Variants in C8orf34 observed in about 807,000 individuals in gnomAD.
C8orf34 encodes the protein uncharacterized protein C8orf34.
In C8orf34, 65 loss-of-function variants were observed where a neutral mutation model predicts 68.3. The ratio of observed to expected loss-of-function variants is 0.95; its 90% CI spans 0.78 to 1.17. The LOEUF is 1.17. Ranked by LOEUF, C8orf34 falls within the 50% of genes most tolerant of loss-of-function variation. The pLI is 0.00. For synonymous variants in C8orf34, 244 were observed against 241.2 expected, an observed-to-expected ratio of 1.01 and a Z score of -0.11; for missense variants, 664 against 655.4, an observed-to-expected ratio of 1.01 and a Z score of -0.14.
intron 2 of C8orf34, among the ~76,000 whole-genome samples, chr8:68,443,358 CT>C (rs1480162288): frequency 2.0e-5 from 3 of 151,954 alleles, no homozygotes; most frequent in African/African-American, 7.3e-5. Context: ...AATTTAAACC[CT>C]GACTGTAATT....
intron 7 of C8orf34, among the ~76,000 whole-genome samples, chr8:68,553,259 C>T (rs551040037): frequency 6.6e-6 from 1 of 151,906 alleles, no homozygotes; most frequent in South Asian, 2.1e-4. Flanking sequence ...GTGGCATGTG[C>T]CTGTAGTCCT....
chr8:68,776,889 G>A (rs951786029), intron 11 of C8orf34, among the ~76,000 whole-genome samples: 2 of 152,176 alleles, frequency 1.3e-5, no homozygotes, highest in African/African-American at 4.8e-5. Flanking sequence ...TATGCAAAGG[G>A]CTATCCCAAC....
At chr8:68,682,110 C>T (rs1489849408) in intron 8 of C8orf34, among the ~76,000 whole-genome samples, 1 of 152,080 alleles carries the variant, frequency 6.6e-6, no homozygotes, top group Non-Finnish European at 1.5e-5. Context: ...AACAGCATAA[C>T]AAGATGACTG....
intron 12 of C8orf34, among the ~76,000 whole-genome samples, chr8:68,795,785 A>G (rs1052929885): frequency 1.3e-5 from 2 of 152,162 alleles, no homozygotes; most frequent in African/African-American, 4.8e-5. Context: ...CTTCCATGGA[A>G]GTCTCATTTA....
At chr8:68,764,211 G>A (rs112022303) in intron 10 of C8orf34, among the ~76,000 whole-genome samples, 4 of 152,338 alleles carry the variant, frequency 2.6e-5, no homozygotes, top group African/African-American at 9.6e-5. Flanking sequence ...TTAGAGGTTA[G>A]CACCTACCTG....
intron 1 of C8orf34, among the ~76,000 whole-genome samples, chr8:68,403,301 C>T (rs560187441): frequency 1.5e-3 from 222 of 152,228 alleles, no homozygotes; most frequent in Non-Finnish European, 2.4e-3. Context: ...TTCCTCTTGA[C>T]CTTCTGTGCT....
chr8:68,579,412 G>A, intron 7 of C8orf34, among the ~76,000 whole-genome samples: 1 of 151,878 alleles, frequency 6.6e-6, no homozygotes, highest in Non-Finnish European at 1.5e-5. Flanking sequence ...AATTCCAAAG[G>A]ATTTCATCCT....
chr8:68,345,048 CAA>C (rs979690736), intron 1 of C8orf34, among the ~76,000 whole-genome samples: 3 of 151,762 alleles, frequency 2.0e-5, no homozygotes, highest in African/African-American at 7.2e-5. Context: ...AAATGGAAAA[CAA>C]AAGGAGATAC....
rs934232585 is a variant in C8orf34, at chr8:68,573,375, C to T, written c.1105+40226C>T. Among the ~76,000 whole-genome samples the T allele has an allele frequency of 1.7e-4, 26 of 152,056 alleles. 1 individual carries two copies. The highest frequency in any genetic ancestry group is 1.6e-3 in the Admixed American group (25 of 15,250). The stretch of plus-strand genomic sequence containing the variant: ...TCATTCCCATAAGCAGAATGTGCAC[C>T]AGCTAGACTGCTGGTCCAAGGAGGA... On this transcript the variant is annotated intron_variant, in intron 7 of 13. Transcript: ENST00000518698.
chr8:68,621,078 G>A (rs776534409), intron 7 of C8orf34, among the ~76,000 whole-genome samples: 1 of 152,148 alleles, frequency 6.6e-6, no homozygotes, highest in African/African-American at 2.4e-5. Context: ...TATGAAAAGT[G>A]TTCTTCATAA....
chr8:68,717,984 G>C (rs1369931290), intron 9 of C8orf34, among the ~76,000 whole-genome samples: 2 of 152,154 alleles, frequency 1.3e-5, no homozygotes, highest in Non-Finnish European at 2.9e-5. Context: ...AGTTTCTGGA[G>C]TCAGCCTGGT....
chr8:68,768,737 A>G (rs1302198670), intron 10 of C8orf34, among the ~76,000 whole-genome samples: 1 of 152,158 alleles, frequency 6.6e-6, no homozygotes, highest in African/African-American at 2.4e-5. Context: ...TATGAAATCC[A>G]CAATGTCATA....
At position 68,616,206 on chromosome 8, in the gene C8orf34, G is replaced by A. The variant is rs144673370; in HGVS notation, c.1106-24170G>A. ...TTTCTTCTTTATTAGTCTTGCTAGC[G>A]GTCTATCAATTTTGTTGATCCTTTC... is the stretch of plus-strand genomic sequence containing the variant. On this transcript the variant is annotated intron_variant, in intron 7 of 13. Transcript: ENST00000518698. Among the ~76,000 whole-genome samples, 876 of 151,532 alleles carry A rather than the reference G, an allele frequency of 5.8e-3. 14 individuals carry two copies. The highest frequency in any genetic ancestry group is 0.02 in the African/African-American group (811 of 41,172).
chr8:68,595,397 T>G (rs1400397902), intron 7 of C8orf34, among the ~76,000 whole-genome samples: 1 of 152,116 alleles, frequency 6.6e-6, no homozygotes, highest in African/African-American at 2.4e-5. Flanking sequence ...TTTGAAATAT[T>G]TTTCTTCAAA....
intron 1 of C8orf34, among the ~76,000 whole-genome samples, chr8:68,333,932 A>C (rs753276752): frequency 2.0e-5 from 3 of 152,182 alleles, no homozygotes; most frequent in Non-Finnish European, 4.4e-5. Flanking sequence ...CCTTGTGGAT[A>C]GTTTAAGTTA....
intron 10 of C8orf34, among the ~76,000 whole-genome samples, chr8:68,736,679 G>T (rs890664806): frequency 9.2e-5 from 14 of 152,060 alleles, no homozygotes; most frequent in Non-Finnish European, 1.8e-4. Flanking sequence ...AAGAAGAAGA[G>T]ATACTCAATA....
At chr8:68,650,680 C>T (rs1183339643) in intron 8 of C8orf34, among the ~76,000 whole-genome samples, 1 of 151,936 alleles carries the variant, frequency 6.6e-6, no homozygotes, top group East Asian at 1.9e-4. Flanking sequence ...GGGGTTTCAC[C>T]GTTTTAGCCG....
intron 7 of C8orf34, among the ~76,000 whole-genome samples, chr8:68,576,988 G>T (rs1276671817): frequency 1.3e-5 from 2 of 151,738 alleles, no homozygotes; most frequent in Non-Finnish European, 2.9e-5. Context: ...TATAATATTT[G>T]TAAATATTGG....
chr8:68,372,934 A>G (rs967096993), intron 1 of C8orf34, among the ~76,000 whole-genome samples: 3 of 152,204 alleles, frequency 2.0e-5, no homozygotes, highest in Non-Finnish European at 4.4e-5. Context: ...TTCCTTGCAA[A>G]GCACAGCATA....
Sources: gnomAD v4.1 joint callset for allele counts (sites outside exome capture counted in the v4.1 genomes callset) on GRCh38, gnomAD v4.1.1 for gene constraint, MANE v1.5 for transcripts, NCBI Gene and HGNC (gene_info 2026-07-23, HGNC 2026-07-21) for gene names.